Variants in PLCB1 observed in about 807,000 individuals in gnomAD.
PLCB1 encodes 1-phosphatidylinositol 4,5-bisphosphate phosphodiesterase beta-1.
Under a neutral mutation model 161.8 loss-of-function variants are expected in PLCB1, and 46 were observed. That is an observed-to-expected ratio of 0.28 (90% confidence interval 0.22 to 0.36). PLCB1 has a LOEUF of 0.36. PLCB1 is among the 10% of genes least tolerant of loss of function. The pLI is 1.00. For missense variants in PLCB1, 1,016 were observed against 1,472.5 expected (o/e 0.69, Z 5.07); for synonymous variants, 517 against 503.7 (o/e 1.03, Z -0.35).
chr20:8,568,498 A>G (rs1205074626), intron 3 of PLCB1, among the ~76,000 whole-genome samples: 1 of 152,224 alleles, frequency 6.6e-6, no homozygotes, highest in African/African-American at 2.4e-5. Context: ...CTGAATCCAC[A>G]TATAGAATGA....
intron 31 of PLCB1, among the ~76,000 whole-genome samples, chr20:8,819,471 T>G (rs1985232976): frequency 6.6e-6 from 1 of 152,164 alleles, no homozygotes; most frequent in African/African-American, 2.4e-5. Context: ...TCTTTACCAA[T>G]ATAGAAAAAG....
intron 23 of PLCB1, among the ~76,000 whole-genome samples, chr20:8,754,422 C>A (rs1981638005): frequency 6.7e-6 from 1 of 148,194 alleles, no homozygotes; most frequent in Non-Finnish European, 1.5e-5. Flanking sequence ...ACCATTATTA[C>A]TTTCACAGAA....
intron 27 of PLCB1, among the ~76,000 whole-genome samples, chr20:8,784,231 C>T (rs1252247086): frequency 4.0e-5 from 6 of 151,760 alleles, no homozygotes; most frequent in African/African-American, 1.5e-4. Context: ...TAGTAAATGC[C>T]GTGTGGGCAG....
At chr20:8,483,036 C>T (rs911261283) in intron 3 of PLCB1, among the ~76,000 whole-genome samples, 1 of 151,874 alleles carries the variant, frequency 6.6e-6, no homozygotes, top group South Asian at 2.1e-4. Context: ...ATTGTTCTCT[C>T]GATCGATGGA....
chr20:8,437,394 G>A (rs765179788), intron 3 of PLCB1, among the ~76,000 whole-genome samples: 1 of 152,218 alleles, frequency 6.6e-6, no homozygotes, highest in Non-Finnish European at 1.5e-5. Context: ...TATCAATGGA[G>A]TAGAAGAGAT....
intron 3 of PLCB1, among the ~76,000 whole-genome samples, chr20:8,444,284 G>A (rs1980707122): frequency 6.6e-6 from 1 of 151,330 alleles, no homozygotes; most frequent in Admixed American, 6.6e-5. Flanking sequence ...GTGAGAACAT[G>A]CAGTGTTTGG....
chr20:8,437,591 A>G (rs1213139505), intron 3 of PLCB1, among the ~76,000 whole-genome samples: 1 of 152,184 alleles, frequency 6.6e-6, no homozygotes, highest in East Asian at 1.9e-4. Context: ...CAGTAGACTG[A>G]CATCTTACTG....
intron 2 of PLCB1, among the ~76,000 whole-genome samples, chr20:8,353,937 G>A (rs1478806242): frequency 6.6e-6 from 1 of 151,786 alleles, no homozygotes; most frequent in Non-Finnish European, 1.5e-5. Flanking sequence ...TAACCATAGG[G>A]AGAACTGCCT....
At chr20:8,238,536 A>G (rs193254050) in intron 2 of PLCB1, among the ~76,000 whole-genome samples, 36 of 152,086 alleles carry the variant, frequency 2.4e-4, no homozygotes, top group Admixed American at 7.2e-4. Context: ...ATACTAGATG[A>G]GGTCTCTCAG....
intron 31 of PLCB1, among the ~76,000 whole-genome samples, chr20:8,847,857 G>A (rs1986743828): frequency 6.6e-6 from 1 of 152,182 alleles, no homozygotes; most frequent in African/African-American, 2.4e-5. Context: ...AGTCTGCTTT[G>A]TGCTGCTATA....
chr20:8,570,062 C>T (rs896513755), intron 3 of PLCB1, among the ~76,000 whole-genome samples: 15 of 152,106 alleles, frequency 9.9e-5, no homozygotes, highest in African/African-American at 3.6e-4. Context: ...TGCTTCATGC[C>T]AAAGCAGGCT....
chr20:8,851,971 T>C (rs1192467680), intron 31 of PLCB1, among the ~76,000 whole-genome samples: 1 of 152,202 alleles, frequency 6.6e-6, no homozygotes, highest in Non-Finnish European at 1.5e-5. Context: ...AAATGAAGTG[T>C]GGTGTATTCA....
chr20:8,842,231 G>T (rs1039447810), intron 31 of PLCB1, among the ~76,000 whole-genome samples: 2 of 152,116 alleles, frequency 1.3e-5, no homozygotes, highest in South Asian at 4.1e-4. Context: ...CATAGAAAGC[G>T]CATGATATTT....
chr20:8,538,087 A>G (rs568830385), intron 3 of PLCB1, among the ~76,000 whole-genome samples: 108 of 152,304 alleles, frequency 7.1e-4, no homozygotes, highest in African/African-American at 2.4e-3. Flanking sequence ...CTGTTTCCAA[A>G]TGTAAGAATA....
chr20:8,799,476 C>T (rs913123454), intron 31 of PLCB1, among the ~76,000 whole-genome samples: 10 of 152,256 alleles, frequency 6.6e-5, no homozygotes, highest in Non-Finnish European at 1.3e-4. Context: ...GTGAATTTTG[C>T]TAATACTCAT....
At chr20:8,585,863 G>A (rs188887510) in intron 3 of PLCB1, among the ~76,000 whole-genome samples, 17 of 152,254 alleles carry the variant, frequency 1.1e-4, no homozygotes, top group Admixed American at 7.8e-4. Context: ...CCAATGAAGC[G>A]CTTTGCTTCT....
intron 2 of PLCB1, among the ~76,000 whole-genome samples, chr20:8,232,225 A>AAGAGAGAG (rs35927160): frequency 4.3e-4 from 64 of 148,378 alleles, no homozygotes; most frequent in African/African-American, 1.5e-3. Context: ...CTCTTTAAAA[A>AAGAGAGAG]AGAGAGAGAG....
chr20:8,548,060 CCCTTCCTA>C (rs1314973767), intron 3 of PLCB1, among the ~76,000 whole-genome samples: 4 of 151,942 alleles, frequency 2.6e-5, no homozygotes, highest in African/African-American at 4.8e-5. Context: ...CCAGGGACCT[CCCTTCCTA>C]CCTTCCTCCC....
intron 2 of PLCB1, among the ~76,000 whole-genome samples, chr20:8,257,397 G>A (rs537554302): frequency 1.3e-5 from 2 of 151,940 alleles, no homozygotes; most frequent in Non-Finnish European, 2.9e-5. Flanking sequence ...AATTTTATAA[G>A]AAAAAAATCA....
Sources: gnomAD v4.1 joint callset for allele counts (sites outside exome capture counted in the v4.1 genomes callset) on GRCh38, gnomAD v4.1.1 for gene constraint, MANE v1.5 for transcripts, NCBI Gene and HGNC (gene_info 2026-07-23, HGNC 2026-07-21) for gene names.